The following OSBP2 variants were observed in gnomAD, a reference collection of about 807,000 sequenced individuals.
OSBP2 encodes the protein oxysterol-binding protein 2.
Under a neutral mutation model 96.0 loss-of-function variants are expected in OSBP2, and 66 were observed. The observed-to-expected ratio is 0.69, with a 90% CI of 0.56 to 0.84. OSBP2 has a LOEUF of 0.84. OSBP2 is among the 40% of genes least tolerant of loss of function. The pLI is 0.00. For synonymous variants in OSBP2, 525 were observed against 520.9 expected, an observed-to-expected ratio of 1.01 and a Z score of -0.11; for missense variants, 1,038 against 1,222.7, an observed-to-expected ratio of 0.85 and a Z score of 2.25.
rs555818249 is a variant in OSBP2 at position 30,866,439 on chromosome 22, A to G, written c.854-3990A>G. Among the ~76,000 whole-genome samples the G allele has an allele frequency of 8.5e-5, 13 of 152,300 alleles. No individual in the cohort carries two copies. The South Asian group carries it at 2.5e-3, about 29-fold the overall frequency. ...GACTCCTGACTTCCAGAGCTGTAAG[A>G]TAATAAATGTGTGTTCTGGGCCAGG... On this transcript the variant is annotated intron_variant, in intron 2 of 13. Transcript: ENST00000332585.
chr22:30,879,141 C>T (rs1871335034), intron 3 of OSBP2, among the ~76,000 whole-genome samples: 1 of 152,216 alleles, frequency 6.6e-6, no homozygotes, highest in South Asian at 2.1e-4. Flanking sequence ...CAGGAGATCA[C>T]GTGGGGCTCC....
chr22:30,792,809 C>T (rs910492091), intron 2 of OSBP2, among the ~76,000 whole-genome samples: 1 of 152,198 alleles, frequency 6.6e-6, no homozygotes, highest in Non-Finnish European at 1.5e-5. Flanking sequence ...CACAGTCTCT[C>T]ATATTCCCCA....
intron 2 of OSBP2, among the ~76,000 whole-genome samples, chr22:30,783,701 G>A (rs908269497): frequency 1.3e-5 from 2 of 152,178 alleles, no homozygotes; most frequent in Non-Finnish European, 2.9e-5. Flanking sequence ...GCCTGGTCAT[G>A]TAAAAGCTTT....
intron 2 of OSBP2, among the ~76,000 whole-genome samples, chr22:30,778,306 C>CAG (rs1394792145): frequency 3.1e-5 from 4 of 131,036 alleles, no homozygotes; most frequent in Non-Finnish European, 6.2e-5. Flanking sequence ...TGCATGTGCA[C>CAG]ACACACACAC....
chr22:30,761,260 A>G (rs1231064145), intron 2 of OSBP2, among the ~76,000 whole-genome samples: 5 of 152,252 alleles, frequency 3.3e-5, no homozygotes, highest in Non-Finnish European at 5.9e-5. Flanking sequence ...ACAAGGTCAC[A>G]GAATACAAGG....
intron 3 of OSBP2, among the ~76,000 whole-genome samples, chr22:30,882,536 T>A (rs998599867): frequency 3.3e-5 from 5 of 149,760 alleles, no homozygotes; most frequent in African/African-American, 1.2e-4. Context: ...ACCTCAGTGC[T>A]TGTAAGAATG....
intron 2 of OSBP2, among the ~76,000 whole-genome samples, chr22:30,855,894 T>C (rs1314568980): frequency 1.3e-5 from 2 of 152,206 alleles, no homozygotes; most frequent in African/African-American, 4.8e-5. Flanking sequence ...GCCAGATCAT[T>C]TTCAGCCATC....
intron 2 of OSBP2, among the ~76,000 whole-genome samples, chr22:30,820,820 C>T (rs1390244402): frequency 6.6e-6 from 1 of 152,140 alleles, no homozygotes; most frequent in African/African-American, 2.4e-5. Context: ...TTTCTATCCC[C>T]CTGCCCGGCC....
chr22:30,721,667 A>G (rs1001781182), intron 1 of OSBP2, among the ~76,000 whole-genome samples: 1 of 152,182 alleles, frequency 6.6e-6, no homozygotes, highest in South Asian at 2.1e-4. Flanking sequence ...CAGTGTCTAT[A>G]ATACTGGAGG....
At chr22:30,755,527 A>G (rs2090129926) in intron 2 of OSBP2, among the ~76,000 whole-genome samples, 1 of 152,166 alleles carries the variant, frequency 6.6e-6, no homozygotes, top group South Asian at 2.1e-4. Flanking sequence ...TTGTTTAAGC[A>G]GCTTCCGAAG....
intron 3 of OSBP2, among the ~76,000 whole-genome samples, chr22:30,874,613 G>A (rs150525009): frequency 7.0e-4 from 106 of 152,242 alleles, no homozygotes; most frequent in African/African-American, 2.5e-3. Context: ...TCTGGTCCTC[G>A]CAGGGCGCTG....
intron 2 of OSBP2, among the ~76,000 whole-genome samples, chr22:30,772,852 G>A (rs1391998398): frequency 6.6e-6 from 1 of 151,504 alleles, no homozygotes; most frequent in Non-Finnish European, 1.5e-5. Context: ...GAGTGCAGTG[G>A]CGTGGTCTTG....
intron 4 of OSBP2, 71 bp from the exon 5 acceptor site, chr22:30,888,152 G>T: frequency 9.8e-7 from 1 of 1,021,642 alleles, no homozygotes; most frequent in South Asian, 1.3e-5. Context: ...GGAGCCCTTG[G>T]CTCTGGACTT....
intron 1 of OSBP2, among the ~76,000 whole-genome samples, chr22:30,713,570 C>T (rs1369589830): frequency 2.6e-5 from 4 of 151,978 alleles, no homozygotes; most frequent in Admixed American, 6.6e-5. Flanking sequence ...AAGTGATCCT[C>T]CCACCTCAGC....
At chr22:30,710,475 T>C (rs1443736131) in intron 1 of OSBP2, among the ~76,000 whole-genome samples, 1 of 152,294 alleles carries the variant, frequency 6.6e-6, no homozygotes, top group East Asian at 1.9e-4. Context: ...GCCATGTCTT[T>C]AGTTAGTGGA....
chr22:30,902,154 AG>A, intron 12 of OSBP2: 1 of 460,758 alleles, frequency 2.2e-6, no homozygotes, highest in Non-Finnish European at 3.7e-6. Flanking sequence ...AAAAAAAAAC[AG>A]AGGGTCCCAC....
At chr22:30,766,192 G>T (rs136335) in intron 2 of OSBP2, among the ~76,000 whole-genome samples, 8,791 of 152,280 alleles carry the variant, frequency 0.058, 270 homozygotes, top group Middle Eastern at 0.088. Flanking sequence ...CTATGATCAT[G>T]CCTGGGTGAC....
intron 2 of OSBP2, among the ~76,000 whole-genome samples, chr22:30,810,439 A>G (rs2090990818): frequency 6.6e-6 from 1 of 152,112 alleles, no homozygotes; most frequent in African/African-American, 2.4e-5. Flanking sequence ...TCTCTGGGCT[A>G]TGCTGTCCAG....
chr22:30,837,652 G>A (rs1169774193), intron 2 of OSBP2, among the ~76,000 whole-genome samples: 1 of 152,234 alleles, frequency 6.6e-6, no homozygotes, highest in African/African-American at 2.4e-5. Flanking sequence ...GTGTGGCTCT[G>A]AGCCCTGCGC....
Sources: gnomAD v4.1 joint callset for allele counts (sites outside exome capture counted in the v4.1 genomes callset) on GRCh38, gnomAD v4.1.1 for gene constraint, MANE v1.5 for transcripts, NCBI Gene and HGNC (gene_info 2026-07-23, HGNC 2026-07-21) for gene names.